CEACAM3: variants seen among roughly 807,000 people sequenced by gnomAD.
CEACAM3 encodes the protein CEA cell adhesion molecule 3.
CEACAM3 carries 32 observed loss-of-function variants against 30.1 expected under a neutral mutation model. The ratio of observed to expected loss-of-function variants is 1.06; its 90% CI spans 0.80 to 1.43. The LOEUF is 1.43. Among genes scored for constraint, CEACAM3 ranks in the 40% most tolerant of loss-of-function variants. The probability of loss-of-function intolerance (pLI) is 0.00; values close to 1 mark genes in which losing one functional copy is unlikely to be tolerated. For synonymous variants in CEACAM3, 134 were observed against 127.2 expected, an observed-to-expected ratio of 1.05 and a Z score of -0.36; for missense variants, 290 against 316.3, an observed-to-expected ratio of 0.92 and a Z score of 0.63.
At chr19:41,807,660 G>A (rs1016585232) in intron 2 of CEACAM3, 12 of 1,170,290 alleles carry the variant, frequency 1.0e-5, no homozygotes, top group South Asian at 1.7e-5. Context: ...ATTGGGTTTC[G>A]TTAGGACTTC....
intron 2 of CEACAM3, among the ~76,000 whole-genome samples, chr19:41,800,167 C>T (rs1041430147): frequency 6.6e-6 from 1 of 152,148 alleles, no homozygotes; most frequent in Admixed American, 6.5e-5. Context: ...TAATAATCCT[C>T]GCTCTATAAT....
In CEACAM3 at chr19:41,797,735, G is replaced by A. The variant is rs1555825397; in HGVS notation, c.211G>A (p.Glu71Lys). ...TTTTGGCTACAGCTGGTACAAAGGG[G>A]AAAGAGTGGATGGCAACAGTCTAAT... ...HLFGYSWYKG[E>K]RVDGNSLIVG... Residue 71 changes from glutamate (E) to lysine (K), a missense_variant, in exon 2 of 7, where the codon GAA (glutamate) becomes AAA (lysine). Physicochemically the swap from Glu to Lys is moderately conservative, Grantham distance 56 (BLOSUM62 1). Coordinates refer to ENST00000357396, the MANE Select transcript of CEACAM3 (RefSeq NM_001815.5). 1 of 1,613,896 alleles carries A rather than the reference G, an allele frequency of 6.2e-7. No individual in the cohort carries two copies. Among genetic ancestry groups the A allele is most frequent in the East Asian group, 2.2e-5 (1 of 44,882 alleles).
At chr19:41,809,898 C>T (rs2073234647) in intron 3 of CEACAM3, 67 bp from the exon 4 acceptor site, 1 of 1,522,732 alleles carries the variant, frequency 6.6e-7, no homozygotes, top group Non-Finnish European at 9.1e-7. Context: ...CTTCTTGTCC[C>T]CTGTTCGAAC....
rs1001688420 is a variant in CEACAM3, at chr19:41,810,880, G to C, written c.676G>C (p.Ala226Pro). ...AQAPLPNPRT[A>P]ASIYEELLKH... ...GGCCCCCCTACCCAACCCCAGGACA[G>C]CAGCTTCCATCTATGAGGTGAGTGT... is the stretch of plus-strand genomic sequence containing the variant. Residue 226 changes from alanine to proline, a missense_variant, in exon 6 of 7, where the codon GCA becomes CCA. Ala to Pro is a conservative substitution (Grantham distance 27, BLOSUM62 -1). Transcript: ENST00000357396. 4.3e-6 allele frequency: 7 copies of C among 1,613,616 alleles called. No homozygotes were observed. The East Asian group carries it at 1.6e-4, about 36-fold the overall frequency.
rs1289543519 is a variant in CEACAM3, at chr19:41,806,507, G to A, written c.425-2306G>A. Reference sequence around the variant, plus strand: ...GAACAGGAGAGGTGCCAGGGGATGTGACTCCTGGTCCTGTGTCTGTCCAAC... The same window carrying A: ...GAACAGGAGAGGTGCCAGGGGATGTAACTCCTGGTCCTGTGTCTGTCCAAC... On this transcript the variant is annotated intron_variant, in intron 2 of 6. Coordinates refer to ENST00000357396, the MANE Select transcript of CEACAM3 (RefSeq NM_001815.5). Among the ~76,000 whole-genome samples, 4 of 152,194 alleles carry A rather than the reference G, an allele frequency of 2.6e-5. 1 individual carries two copies. The highest frequency in any genetic ancestry group is 5.9e-5 in the Non-Finnish European group (4 of 68,034).
Position 41,801,747 on chromosome 19 carries a change from T to C in CEACAM3, c.424+3799T>C, listed in dbSNP as rs530488357. 2.0e-4 allele frequency among the ~76,000 whole-genome samples: 31 copies of C among 152,252 alleles called. No individual in the cohort carries two copies. In the South Asian group the frequency reaches 6.4e-3, roughly 32 times the overall value. On this transcript the variant is annotated intron_variant, in intron 2 of 6. Coordinates refer to ENST00000357396, the MANE Select transcript of CEACAM3 (RefSeq NM_001815.5). The stretch of plus-strand genomic sequence containing the variant: ...GGCCACAAGACCACTGAATCATGGG[T>C]CACAGTCCAGGTGGAGTCAGTCAGT...
chr19:41,802,134 T>C (rs1203709218), intron 2 of CEACAM3, among the ~76,000 whole-genome samples: 7 of 152,144 alleles, frequency 4.6e-5, no homozygotes, highest in African/African-American at 1.7e-4. Flanking sequence ...TTTCACTCTC[T>C]ACAATGACTC....
rs370207300 is a variant in CEACAM3, at chr19:41,797,556, T to C, written c.65-33T>C. ...CCATCTTTCCATCCCAATACATGGG[T>C]CCCAATATTGACTGATGCTTTCTCC... is the stretch of plus-strand genomic sequence containing the variant. On this transcript the variant is annotated intron_variant, in intron 1 of 6. Transcript: ENST00000357396. The C allele has an allele frequency of 2.1e-5, 34 of 1,593,038 alleles. No homozygotes were observed. The African/African-American group carries it at 4.6e-4, about 21-fold the overall frequency.
At position 41,796,603 on chromosome 19, in the gene CEACAM3, C is replaced by T; in HGVS notation, c.-75C>T. The T allele has an allele frequency of 6.5e-7, 1 of 1,547,746 alleles. No individual in the cohort carries two copies. Among genetic ancestry groups the T allele is most frequent in the Non-Finnish European group, 8.9e-7 (1 of 1,120,896 alleles). On this transcript the variant is annotated 5_prime_UTR_variant, in exon 1 of 7. Coordinates refer to ENST00000357396, the MANE Select transcript of CEACAM3 (RefSeq NM_001815.5). ...AGGAAGGACAGCAGAGCCTAAGTCA[C>T]AGTAGCCCTGACTACAGCATTCCTG...
At chr19:41,804,208 G>T (rs2073180493) in intron 2 of CEACAM3, among the ~76,000 whole-genome samples, 1 of 152,134 alleles carries the variant, frequency 6.6e-6, no homozygotes, top group Non-Finnish European at 1.5e-5. Context: ...TGGGAATACT[G>T]GTGGTTCCTG....
chr19:41,797,384 CCCCTGGGGAAGGGGAT>C (rs1421790843), intron 1 of CEACAM3, 189 bp from the exon 2 acceptor site: 2 of 633,560 alleles, frequency 3.2e-6, no homozygotes, highest in Non-Finnish European at 5.3e-6. Context: ...GCCATGCAGA[CCCCTGGGGAAGGGGAT>C]TCCACACAGG....
intron 2 of CEACAM3, among the ~76,000 whole-genome samples, chr19:41,800,881 C>G (rs1403940051): frequency 6.6e-6 from 1 of 152,102 alleles, no homozygotes; most frequent in South Asian, 2.1e-4. Flanking sequence ...TAGTGATCCC[C>G]CCGGGGCCCA....
At chr19:41,803,443 TGTGTGTGTGTG>T (rs2073169390) in intron 2 of CEACAM3, among the ~76,000 whole-genome samples, 2 of 139,686 alleles carry the variant, frequency 1.4e-5, no homozygotes, top group South Asian at 4.9e-4. Flanking sequence ...TGTGTGTGTG[TGTGTGTGTGTG>T]TGTGTTGTTT....
chr19:41,796,622 A>C lies in CEACAM3; in HGVS notation c.-56A>C, dbSNP rs2073104287. 2 of 1,598,320 alleles carry C rather than the reference A, an allele frequency of 1.3e-6. No individual in the cohort carries two copies. Among genetic ancestry groups the C allele is most frequent in the Admixed American group, 3.3e-5 (2 of 59,946 alleles). ...AAGTCACAGTAGCCCTGACTACAGCATTCCTGGAGCCCAGGCTCTTTTCCA... is the reference window on the plus strand; with the variant it reads ...AAGTCACAGTAGCCCTGACTACAGCCTTCCTGGAGCCCAGGCTCTTTTCCA... On this transcript the variant is annotated 5_prime_UTR_variant, in exon 1 of 7. Transcript: ENST00000357396.
chr19:41,809,970 G>C lies in CEACAM3; in HGVS notation c.548G>C (p.Ser183Thr), dbSNP rs1264817922. 2 of 1,613,748 alleles carry C rather than the reference G, an allele frequency of 1.2e-6. No homozygotes were observed. The highest frequency in any genetic ancestry group is 8.5e-7 in the Non-Finnish European group (1 of 1,179,880). ...FLLLAKTGRT[S>T]IQRDLKEQQP... ...ATGACCCTGACCTTTCCTAGAACCA[G>C]CATCCAGCGTGACCTCAAGGAGCAG... is the stretch of plus-strand genomic sequence containing the variant. Residue 183 changes from serine to threonine, a missense_variant, in exon 4 of 7, where the codon AGC becomes ACC. Physicochemically the swap from Ser to Thr is moderately conservative, Grantham distance 58 (BLOSUM62 1). Transcript: ENST00000357396.
rs1555825357 is a variant in CEACAM3 at position 41,797,582 on chromosome 19, C to G, written c.65-7C>G. Reference sequence around the variant, plus strand: ...CCCAATATTGACTGATGCTTTCTCCCTCCTAGCCTCACTTCTAAACTTCTG... The same window carrying G: ...CCCAATATTGACTGATGCTTTCTCCGTCCTAGCCTCACTTCTAAACTTCTG... On this transcript the variant is annotated splice_polypyrimidine_tract_variant and splice_region_variant and intron_variant, in intron 1 of 6. Coordinates refer to ENST00000357396, the MANE Select transcript of CEACAM3 (RefSeq NM_001815.5). The G allele has an allele frequency of 2.5e-6, 4 of 1,610,804 alleles. No homozygotes were observed. The highest frequency in any genetic ancestry group is 3.4e-6 in the Non-Finnish European group (4 of 1,177,956).
intron 4 of CEACAM3, 55 bp from the exon 5 acceptor site, chr19:41,810,268 A>C: frequency 6.3e-7 from 1 of 1,576,670 alleles, no homozygotes; most frequent in African/African-American, 1.3e-5. Context: ...GCCTTCCTGG[A>C]GAGGGGATAA....
At chr19:41,809,139 A>G (rs1404463034) in intron 3 of CEACAM3, 3 of 380,534 alleles carry the variant, frequency 7.9e-6, no homozygotes, top group African/African-American at 4.3e-5. Flanking sequence ...ATTTGGCCCA[A>G]TTAAGGCCCC....
At chr19:41,804,373 T>C (rs1285565577) in intron 2 of CEACAM3, among the ~76,000 whole-genome samples, 6 of 152,114 alleles carry the variant, frequency 3.9e-5, no homozygotes, top group Admixed American at 6.5e-5. Flanking sequence ...CTCTGCCCAA[T>C]TCGGGCTAAT....
Sources: gnomAD v4.1 joint callset for allele counts (sites outside exome capture counted in the v4.1 genomes callset) on GRCh38, gnomAD v4.1.1 for gene constraint, MANE v1.5 for transcripts, NCBI Gene and HGNC (gene_info 2026-07-23, HGNC 2026-07-21) for gene names.